EXOC4: variants seen among roughly 807,000 people sequenced by gnomAD.
EXOC4 encodes the protein SEC8-like 1.
Under a neutral mutation model 107.2 loss-of-function variants are expected in EXOC4, and 71 were observed. The ratio of observed to expected loss-of-function variants is 0.66; its 90% CI spans 0.55 to 0.81. The LOEUF is 0.81. Among genes scored for constraint, EXOC4 ranks in the 30% least tolerant of loss-of-function variants. The pLI is 0.00. For missense variants in EXOC4, 1,108 were observed against 1,189.6 expected, an observed-to-expected ratio of 0.93 and a Z score of 1.01; for synonymous variants, 456 against 441.2, an observed-to-expected ratio of 1.03 and a Z score of -0.42.
intron 6 of EXOC4, among the ~76,000 whole-genome samples, chr7:133,357,816 C>T (rs1796054562): frequency 6.6e-6 from 1 of 152,004 alleles, no homozygotes; most frequent in Non-Finnish European, 1.5e-5. Flanking sequence ...AATTAATTTC[C>T]TTGTAAACTT....
chr7:133,469,195 A>G (rs1356762588), intron 7 of EXOC4, among the ~76,000 whole-genome samples: 1 of 152,164 alleles, frequency 6.6e-6, no homozygotes, highest in Non-Finnish European at 1.5e-5. Context: ...AGGCAGGTGG[A>G]TCACGAGGTC....
chr7:133,707,179 G>C (rs1186964384), intron 10 of EXOC4, among the ~76,000 whole-genome samples: 4 of 151,992 alleles, frequency 2.6e-5, no homozygotes, highest in African/African-American at 4.8e-5. Context: ...CTGTATTGAA[G>C]CATTTACTGG....
the EXOC4 span, among the ~76,000 whole-genome samples, chr7:134,096,125 G>T: frequency 6.6e-6 from 1 of 152,106 alleles, no homozygotes; most frequent in African/African-American, 2.4e-5. Context: ...ACATTAGAAA[G>T]TGGGCAAAAG....
At chr7:134,050,106 T>TAC (rs1435541534) in intron 17 of EXOC4, among the ~76,000 whole-genome samples, 2 of 152,148 alleles carry the variant, frequency 1.3e-5, no homozygotes, top group African/African-American at 2.4e-5. Flanking sequence ...TGTGTTTATA[T>TAC]ACACACACAC....
chr7:133,896,044 A>C (rs532110968), intron 12 of EXOC4, among the ~76,000 whole-genome samples: 18 of 152,348 alleles, frequency 1.2e-4, no homozygotes, highest in African/African-American at 3.8e-4. Context: ...GATCTTGGTT[A>C]GTCTATCTTG....
chr7:133,956,208 A>G (rs1169047640), intron 14 of EXOC4, among the ~76,000 whole-genome samples: 3 of 151,982 alleles, frequency 2.0e-5, no homozygotes, highest in African/African-American at 7.3e-5. Context: ...TTTTGTTTTT[A>G]GATGAACACT....
intron 11 of EXOC4, among the ~76,000 whole-genome samples, chr7:133,849,449 G>T (rs956182173): frequency 6.6e-6 from 1 of 152,050 alleles, no homozygotes; most frequent in Admixed American, 6.6e-5. Context: ...AGAGCTTAAG[G>T]AGTAGTAAAA....
At chr7:133,613,555 T>G (rs1361669344) in intron 9 of EXOC4, among the ~76,000 whole-genome samples, 1 of 151,818 alleles carries the variant, frequency 6.6e-6, no homozygotes, top group Non-Finnish European at 1.5e-5. Flanking sequence ...AAAGCACCGT[T>G]AGTCACAGTG....
chr7:133,974,869 G>T (rs1392828538), intron 14 of EXOC4, among the ~76,000 whole-genome samples: 1 of 152,168 alleles, frequency 6.6e-6, no homozygotes, highest in Non-Finnish European at 1.5e-5. Flanking sequence ...TGGAATTCTT[G>T]TGTAAGTTTC....
intron 7 of EXOC4, among the ~76,000 whole-genome samples, chr7:133,388,415 C>G (rs766254692): frequency 6.6e-6 from 1 of 151,966 alleles, no homozygotes. Context: ...TTTGGGAGGC[C>G]GGGGTGGGCA....
chr7:133,623,852 G>A lies in EXOC4; in HGVS notation c.1418-6193G>A, dbSNP rs745379883. Among the ~76,000 whole-genome samples the A allele has an allele frequency of 7.2e-5, 11 of 152,178 alleles. No individual in the cohort carries two copies. The South Asian group carries it at 8.3e-4, about 11-fold the overall frequency. On this transcript the variant is annotated intron_variant, in intron 9 of 17. Coordinates refer to ENST00000253861, the MANE Select transcript of EXOC4 (RefSeq NM_021807.4). ...GACAAGTTTAGTGGTGGTGGTAGGA[G>A]CAGCAACAGCATTAAGCCATAATGA...
intron 1 of EXOC4, among the ~76,000 whole-genome samples, chr7:133,264,417 A>G (rs548489692): frequency 3.9e-5 from 6 of 152,204 alleles, no homozygotes; most frequent in African/African-American, 1.4e-4. Flanking sequence ...GTTTTTATGC[A>G]TCAGAAAACT....
intron 1 of EXOC4, among the ~76,000 whole-genome samples, chr7:133,261,268 T>C (rs1257488318): frequency 1.5e-4 from 22 of 151,580 alleles, no homozygotes; most frequent in Admixed American, 1.4e-3. Flanking sequence ...TTGTAGTTTT[T>C]TTTTTTTTTT....
At chr7:133,531,797 ATTG>A (rs1198890274) in intron 9 of EXOC4, among the ~76,000 whole-genome samples, 1 of 151,992 alleles carries the variant, frequency 6.6e-6, no homozygotes, top group African/African-American at 2.4e-5. Context: ...TTCCTTTTGA[ATTG>A]TTTTTAGAAA....
intron 12 of EXOC4, among the ~76,000 whole-genome samples, chr7:133,903,410 G>T (rs1220463116): frequency 1.3e-5 from 2 of 152,238 alleles, no homozygotes; most frequent in African/African-American, 2.4e-5. Context: ...ACTGTTGGTA[G>T]CAGCAGAGAT....
At chr7:133,969,252 A>G (rs556061380) in intron 14 of EXOC4, among the ~76,000 whole-genome samples, 9 of 152,012 alleles carry the variant, frequency 5.9e-5, no homozygotes, top group Admixed American at 1.3e-4. Flanking sequence ...AACCTTTTTC[A>G]AGGTTCTTAG....
At chr7:133,604,087 G>A (rs1361090040) in intron 9 of EXOC4, among the ~76,000 whole-genome samples, 2 of 151,670 alleles carry the variant, frequency 1.3e-5, no homozygotes, top group African/African-American at 2.4e-5. Flanking sequence ...CACAGGGTCA[G>A]GATCATCAGT....
chr7:133,823,870 TATTATATATA>T (rs1217955409), intron 11 of EXOC4, among the ~76,000 whole-genome samples: 2 of 12,310 alleles, frequency 1.6e-4, no homozygotes, highest in Non-Finnish European at 2.5e-4. Flanking sequence ...TATATATATA[TATTATATATA>T]TATATATATA....
chr7:133,633,790 T>C (rs1802644576), intron 10 of EXOC4, among the ~76,000 whole-genome samples: 1 of 152,126 alleles, frequency 6.6e-6, no homozygotes, highest in South Asian at 2.1e-4. Context: ...TATTTAAACA[T>C]TGTATCATTT....
Sources: allele counts gnomAD v4.1 joint callset (sites outside exome capture counted in the v4.1 genomes callset), GRCh38; gene constraint gnomAD v4.1.1; transcripts MANE v1.5; gene names NCBI Gene and HGNC (gene_info 2026-07-23, HGNC 2026-07-21).